IQCJ: variants seen among roughly 807,000 people sequenced by gnomAD.
IQCJ encodes IQ motif containing J.
Under a neutral mutation model 11.0 loss-of-function variants are expected in IQCJ, and 9 were observed. The ratio of observed to expected loss-of-function variants is 0.82; its 90% CI spans 0.49 to 1.43. IQCJ has a LOEUF of 1.43. Ranked by LOEUF, IQCJ falls within the 40% of genes most tolerant of loss-of-function variation. The pLI is 0.00. For missense variants in IQCJ, 146 were observed against 133.2 expected (o/e 1.10, Z -0.47); for synonymous variants, 55 against 51.3 (o/e 1.07, Z -0.31).
At chr3:159,086,238 G>C (rs953823438) in intron 1 of IQCJ, among the ~76,000 whole-genome samples, 87 of 152,104 alleles carry the variant, frequency 5.7e-4, no homozygotes, top group African/African-American at 1.9e-3. Flanking sequence ...GATATGTGTC[G>C]TTATTTCTGA....
intron 2 of IQCJ, among the ~76,000 whole-genome samples, chr3:159,251,082 T>A (rs900623588): frequency 1.3e-5 from 2 of 151,910 alleles, no homozygotes; most frequent in East Asian, 3.9e-4. Flanking sequence ...TAAACAAGAG[T>A]GCTTCCTTGC....
chr3:159,080,684 AG>A (rs1229641944), intron 1 of IQCJ, among the ~76,000 whole-genome samples: 1 of 152,178 alleles, frequency 6.6e-6, no homozygotes, highest in East Asian at 1.9e-4. Context: ...CTTATGAGGT[AG>A]GTATTGCCGT....
chr3:159,083,531 C>A (rs529837123), intron 1 of IQCJ, among the ~76,000 whole-genome samples: 4 of 152,118 alleles, frequency 2.6e-5, no homozygotes, highest in Non-Finnish European at 4.4e-5. Flanking sequence ...GTGGTACAAC[C>A]ACTCTAGAGT....
Position 159,207,665 on chromosome 3 carries a change from A to G in IQCJ, c.10-38178A>G, listed in dbSNP as rs1393429336. On this transcript the variant is annotated intron_variant, in intron 1 of 3. Transcript: ENST00000397832. ...AAATAAGATTTCTGATCATTCATCA[A>G]AAGCTGATAAAAAGGGAAGTTCAGT... is the stretch of plus-strand genomic sequence containing the variant. Among the ~76,000 whole-genome samples the G allele has an allele frequency of 2.6e-5, 4 of 152,212 alleles. No individual in the cohort carries two copies. The East Asian group carries it at 7.7e-4, about 29-fold the overall frequency.
intron 2 of IQCJ, among the ~76,000 whole-genome samples, chr3:159,246,204 A>C (rs547563486): frequency 6.6e-6 from 1 of 152,214 alleles, no homozygotes; most frequent in Non-Finnish European, 1.5e-5. Flanking sequence ...AATCAGGGAC[A>C]TTTGTAGAAG....
chr3:159,091,588 A>G (rs1717287714), intron 1 of IQCJ, among the ~76,000 whole-genome samples: 1 of 151,248 alleles, frequency 6.6e-6, no homozygotes, highest in African/African-American at 2.5e-5. Context: ...CATTCAGACC[A>G]TAGCAGTGAG....
At chr3:159,108,820 A>C (rs1718433964) in intron 1 of IQCJ, among the ~76,000 whole-genome samples, 1 of 151,916 alleles carries the variant, frequency 6.6e-6, no homozygotes, top group Non-Finnish European at 1.5e-5. Flanking sequence ...TATACCATCA[A>C]CTCCTTGTGC....
At chr3:159,227,414 G>A (rs991211521) in intron 1 of IQCJ, among the ~76,000 whole-genome samples, 3 of 152,074 alleles carry the variant, frequency 2.0e-5, no homozygotes, top group Admixed American at 6.5e-5. Context: ...TTTGTATCGG[G>A]GATGGTGGGA....
chr3:159,262,801 A>G lies in IQCJ; in HGVS notation c.*70A>G, dbSNP rs960627338. ...AGGTGGTTTGTGACAGTGAAGATCT[A>G]TGTAGCTTATTTGCTACCCAGGAAC... is the stretch of plus-strand genomic sequence containing the variant. On this transcript the variant is annotated 3_prime_UTR_variant, in exon 4 of 4. Coordinates refer to ENST00000397832, the MANE Select transcript of IQCJ (RefSeq NM_001042706.3). 10 of 1,530,888 alleles carry G rather than the reference A, an allele frequency of 6.5e-6. No homozygotes were observed. The highest frequency in any genetic ancestry group is 2.0e-5 in the Admixed American group (1 of 50,654). 94.8% of individuals were successfully genotyped at this position (1,530,888 alleles called of 1,614,324 possible). A position where few individuals can be genotyped will look rare whatever the true frequency, so the allele number is the denominator to read the frequency against.
chr3:159,188,681 A>G (rs1177627730), intron 1 of IQCJ, among the ~76,000 whole-genome samples: 2 of 152,092 alleles, frequency 1.3e-5, no homozygotes, highest in Admixed American at 6.6e-5. Flanking sequence ...TGAGGCTTCC[A>G]TTCAGGATAC....
intron 1 of IQCJ, among the ~76,000 whole-genome samples, chr3:159,114,160 G>A (rs975782814): frequency 3.9e-5 from 6 of 152,132 alleles, no homozygotes; most frequent in South Asian, 2.1e-4. Context: ...AGCTGACCTC[G>A]CATTGTCTGC....
downstream of IQCJ, among the ~76,000 whole-genome samples, chr3:159,264,910 CA>C (rs1430027201): frequency 7.3e-6 from 1 of 136,182 alleles, no homozygotes; most frequent in Non-Finnish European, 1.7e-5. Context: ...GAGGGGAAAA[CA>C]AAAAAAAAAG....
Position 159,129,931 on chromosome 3 carries a change from A to G in IQCJ, c.9+60490A>G, listed in dbSNP as rs530986591. ...TTTACATGCACTTGTGTGTGTGTGC[A>G]CAAGTGGGTGTGTGCAGATGCCGAT... On this transcript the variant is annotated intron_variant, in intron 1 of 3. Transcript: ENST00000397832. Among the ~76,000 whole-genome samples the G allele has an allele frequency of 7.2e-5, 11 of 152,262 alleles. 1 individual carries two copies. The South Asian group carries it at 2.3e-3, about 32-fold the overall frequency.
In IQCJ at chr3:159,094,931, T is replaced by C. The variant is rs548971817; in HGVS notation, c.9+25490T>C. ...AGTATTGAAGTTATTCCACATCAGG[T>C]AGTAATAACTGCTGCCTCATGAGAA... On this transcript the variant is annotated intron_variant, in intron 1 of 3. Coordinates refer to ENST00000397832, the MANE Select transcript of IQCJ (RefSeq NM_001042706.3). Among the ~76,000 whole-genome samples the C allele has an allele frequency of 3.3e-5, 5 of 152,004 alleles. No homozygotes were observed. The South Asian group carries it at 6.2e-4, about 19-fold the overall frequency.
intron 1 of IQCJ, among the ~76,000 whole-genome samples, chr3:159,110,529 C>T (rs1718559857): frequency 6.6e-6 from 1 of 152,228 alleles, no homozygotes; most frequent in East Asian, 1.9e-4. Flanking sequence ...ATTTGTTCCT[C>T]TTTAATGCTC....
chr3:159,218,897 G>A (rs2108112763), intron 1 of IQCJ, among the ~76,000 whole-genome samples: 1 of 152,186 alleles, frequency 6.6e-6, no homozygotes, highest in East Asian at 1.9e-4. Flanking sequence ...GAGGCTCTAG[G>A]AGAGAATCAA....
At chr3:159,199,150 G>A (rs1255473334) in intron 1 of IQCJ, among the ~76,000 whole-genome samples, 2 of 152,170 alleles carry the variant, frequency 1.3e-5, no homozygotes, top group East Asian at 1.9e-4. Flanking sequence ...ATCTTCCCAG[G>A]AAGTGAATAT....
chr3:159,185,029 A>C (rs772836488), intron 1 of IQCJ, among the ~76,000 whole-genome samples: 10 of 152,220 alleles, frequency 6.6e-5, no homozygotes, highest in Non-Finnish European at 1.5e-4. Flanking sequence ...CATAGCCACA[A>C]GCAGGAAGCA....
chr3:159,215,460 C>T (rs1285096394), intron 1 of IQCJ, among the ~76,000 whole-genome samples: 1 of 152,114 alleles, frequency 6.6e-6, no homozygotes, highest in East Asian at 1.9e-4. Context: ...ATACTTTGTT[C>T]TCAACCCTAT....
Sources: allele counts gnomAD v4.1 joint callset (sites outside exome capture counted in the v4.1 genomes callset), GRCh38; gene constraint gnomAD v4.1.1; transcripts MANE v1.5; gene names NCBI Gene and HGNC (gene_info 2026-07-23, HGNC 2026-07-21).